C10orf143: variants seen among roughly 807,000 people sequenced by gnomAD.
C10orf143 encodes the protein chromosome 10 open reading frame 143.
intron 3 of C10orf143, among the ~76,000 whole-genome samples, chr10:130,075,380 T>C (rs999486386): frequency 1.3e-5 from 2 of 152,076 alleles, no homozygotes; most frequent in Non-Finnish European, 2.9e-5. Flanking sequence ...CACTCTGGAG[T>C]GCCAAGCTTG....
intron 3 of C10orf143, among the ~76,000 whole-genome samples, chr10:130,037,253 C>T (rs1460124954): frequency 6.6e-6 from 1 of 152,202 alleles, no homozygotes; most frequent in Non-Finnish European, 1.5e-5. Flanking sequence ...CCGCCGCTTC[C>T]GCCGTATGTT....
chr10:130,050,341 G>A (rs757371844), intron 3 of C10orf143, among the ~76,000 whole-genome samples: 2 of 152,244 alleles, frequency 1.3e-5, no homozygotes, highest in African/African-American at 2.4e-5. Context: ...AAGCCAAGGC[G>A]GGAGGATCAC....
At chr10:130,048,062 C>T (rs553086605) in intron 3 of C10orf143, among the ~76,000 whole-genome samples, 1 of 152,346 alleles carries the variant, frequency 6.6e-6, no homozygotes, top group South Asian at 2.1e-4. Context: ...CACAGGACTT[C>T]ATCCCAGTCA....
intron 3 of C10orf143, among the ~76,000 whole-genome samples, chr10:130,050,055 C>T (rs1860718755): frequency 6.6e-6 from 1 of 152,150 alleles, no homozygotes; most frequent in African/African-American, 2.4e-5. Context: ...CTTTTATACC[C>T]AGGAGAAAAT....
intron 1 of C10orf143, among the ~76,000 whole-genome samples, chr10:130,102,342 G>A (rs1416663244): frequency 1.3e-5 from 2 of 151,938 alleles, no homozygotes; most frequent in Non-Finnish European, 2.9e-5. Flanking sequence ...GTGCAGTGGC[G>A]CCATCTCAGC....
At position 130,065,176 on chromosome 10, in the gene C10orf143, A is replaced by C. The variant is rs1015014977; in HGVS notation, c.298-793T>G. On this transcript the variant is annotated intron_variant, in intron 3 of 3. Coordinates refer to ENST00000637128, the MANE Select transcript of C10orf143 (RefSeq NM_001355042.2). The surrounding 1 kb of genome is among the most constrained non-coding windows in gnomAD (Gnocchi z 4.2). The stretch of plus-strand genomic sequence containing the variant: ...ATGATGTCCCTGCTTCCTGGAAGGC[A>C]GGGGCTGCCCTGACCCACAGGGACC... 2.0e-5 allele frequency: 3 copies of C among 152,334 alleles called. No individual in the cohort carries two copies. The highest frequency in any genetic ancestry group is 7.2e-5 in the African/African-American group (3 of 41,436). The allele number at this position is 152,334 out of a possible 1,614,324, so 9.4% of individuals were successfully genotyped here. A position where few individuals can be genotyped will look rare whatever the true frequency, so the allele number is the denominator to read the frequency against.
rs1407968716 is a variant in C10orf143, at chr10:130,065,205, C to T, written c.298-822G>A. The T allele has an allele frequency of 2.6e-5, 4 of 152,254 alleles. No individual in the cohort carries two copies. Among genetic ancestry groups the T allele is most frequent in the South Asian group, 2.1e-4 (1 of 4,828 alleles). 9.4% of individuals were successfully genotyped at this position (152,254 alleles called of 1,614,324 possible). On this transcript the variant is annotated intron_variant, in intron 3 of 3. Coordinates refer to ENST00000637128, the MANE Select transcript of C10orf143 (RefSeq NM_001355042.2). The surrounding 1 kb of genome is among the most constrained non-coding windows in gnomAD (Gnocchi z 4.2). Reference sequence around the variant, plus strand: ...GCTGCCCTGACCCACAGGGACCAGACAGGAGAGACTCTGAACTTGCCTGGA... The same window carrying T: ...GCTGCCCTGACCCACAGGGACCAGATAGGAGAGACTCTGAACTTGCCTGGA...
chr10:130,066,947 T>A (rs966253033), intron 3 of C10orf143: 1 of 152,182 alleles, frequency 6.6e-6, no homozygotes, highest in African/African-American at 2.4e-5. Context: ...GAAAAGTGAT[T>A]TGATCAGCAA....
At chr10:130,083,976 CAT>C (rs1311287054) in intron 1 of C10orf143, among the ~76,000 whole-genome samples, 1 of 152,086 alleles carries the variant, frequency 6.6e-6, no homozygotes. Context: ...AAATAAGTAA[CAT>C]AGCCACACTG....
chr10:130,073,120 A>G (rs745442353), intron 3 of C10orf143, among the ~76,000 whole-genome samples: 2 of 152,090 alleles, frequency 1.3e-5, no homozygotes, highest in Non-Finnish European at 2.9e-5. Flanking sequence ...AGATTTGTTT[A>G]TGTGCTTATT....
intron 1 of C10orf143, among the ~76,000 whole-genome samples, chr10:130,093,283 T>C (rs1344529492): frequency 1.3e-5 from 2 of 152,186 alleles, no homozygotes; most frequent in African/African-American, 2.4e-5. Context: ...CACAACTACA[T>C]GGAAACTGAA....
rs912707162 is a variant in C10orf143 at position 130,056,684 on chromosome 10, T to C, written c.298-20714A>G. On this transcript the variant is annotated intron_variant and NMD_transcript_variant, in intron 3 of 5. Coordinates refer to the C10orf143 transcript ENST00000643056. The surrounding 1 kb of genome is among the most constrained non-coding windows in gnomAD (Gnocchi z 4.6). ...TTGGCTCACTGCAAGCTCCGCCTCC[T>C]GGGTTCATGCCATTCTCCTGCCTCA... 6.6e-6 allele frequency among the ~76,000 whole-genome samples: 1 copy of C among 152,038 alleles called. No individual in the cohort carries two copies. Among genetic ancestry groups the C allele is most frequent in the African/African-American group, 2.4e-5 (1 of 41,384 alleles).
chr10:130,103,030 G>A (rs1010190527), intron 1 of C10orf143, among the ~76,000 whole-genome samples: 2 of 150,128 alleles, frequency 1.3e-5, no homozygotes, highest in African/African-American at 2.5e-5. Context: ...CCAGGCTGGC[G>A]TGCAATGGTG....
At chr10:130,107,413 A>G in intron 1 of C10orf143, 1 of 1,212,492 alleles carries the variant, frequency 8.2e-7, no homozygotes, top group Non-Finnish European at 1.2e-6. Context: ...CCCATGAGAA[A>G]AAGGCACATC....
At position 130,082,511 on chromosome 10, in the gene C10orf143, C is replaced by A. The variant is rs550425657; in HGVS notation, c.70-2610G>T. Reference sequence around the variant, plus strand: ...GAATCATGGGGGCGGTTCCCCTACACGGTCCTCGTGTTAGTGAATAAGTCT... The same window carrying A: ...GAATCATGGGGGCGGTTCCCCTACAAGGTCCTCGTGTTAGTGAATAAGTCT... On this transcript the variant is annotated intron_variant, in intron 1 of 3. Coordinates refer to ENST00000637128, the MANE Select transcript of C10orf143 (RefSeq NM_001355042.2). Among the ~76,000 whole-genome samples, 188 of 151,590 alleles carry A rather than the reference C, an allele frequency of 1.2e-3. 1 individual carries two copies. Among genetic ancestry groups the A allele is most frequent in the Middle Eastern group, 3.4e-3 (1 of 294 alleles).
At chr10:130,088,489 C>T (rs935501724) in intron 1 of C10orf143, among the ~76,000 whole-genome samples, 1 of 152,162 alleles carries the variant, frequency 6.6e-6, no homozygotes, top group Non-Finnish European at 1.5e-5. Context: ...ATAATCTAAT[C>T]TTTCATTTTG....
intron 1 of C10orf143, among the ~76,000 whole-genome samples, chr10:130,083,061 A>G (rs1402735684): frequency 6.6e-6 from 1 of 152,216 alleles, no homozygotes; most frequent in South Asian, 2.1e-4. Context: ...TAACCTGAAT[A>G]TAAGAAACTG....
chr10:130,058,261 G>A (rs4750784), intron 3 of C10orf143, among the ~76,000 whole-genome samples: 2,363 of 152,282 alleles, frequency 0.016, 21 homozygotes, highest in Non-Finnish European at 0.026. Context: ...TGAGCGTCTG[G>A]AGAAGGCAGA....
intron 3 of C10orf143, among the ~76,000 whole-genome samples, chr10:130,044,036 G>A (rs1351537147): frequency 6.6e-6 from 1 of 151,962 alleles, no homozygotes; most frequent in African/African-American, 2.4e-5. Context: ...AGAGGGAGAG[G>A]GAGGAAGGGA....
Sources: gnomAD v4.1 joint callset for allele counts (sites outside exome capture counted in the v4.1 genomes callset) on GRCh38, gnomAD v4.1.1 for gene constraint, Gnocchi (gnomAD v3.1) non-coding constraint, MANE v1.5 for transcripts, NCBI Gene and HGNC (gene_info 2026-07-23, HGNC 2026-07-21) for gene names.